The following MYPN variants were observed in gnomAD, a reference collection of about 807,000 sequenced individuals.
The protein encoded by MYPN is sarcomeric protein myopalladin, 145 kDa (MYOP).
A neutral mutation model predicts 129.4 loss-of-function variants in MYPN; 63 were observed. The ratio of observed to expected loss-of-function variants is 0.49; its 90% CI spans 0.40 to 0.60. MYPN has a LOEUF of 0.60. Among genes scored for constraint, MYPN ranks in the 20% least tolerant of loss-of-function variants. MYPN has a pLI of 0.00. For synonymous variants in MYPN, 629 were observed against 600.9 expected (o/e 1.05, Z -0.68); for missense variants, 1,596 against 1,635.4 (o/e 0.98, Z 0.42).
chr10:68,205,756 C>G (rs1483339883), intron 18 of MYPN, among the ~76,000 whole-genome samples: 2 of 152,124 alleles, frequency 1.3e-5, no homozygotes, highest in Non-Finnish European at 2.9e-5. Context: ...TAGCACCTAG[C>G]ATTTTCCCCA....
At chr10:68,155,922 C>T (rs552716130) in intron 6 of MYPN, among the ~76,000 whole-genome samples, 1 of 152,306 alleles carries the variant, frequency 6.6e-6, no homozygotes, top group South Asian at 2.1e-4. Flanking sequence ...CATAACTAGG[C>T]TGGGCTCTTG....
chr10:68,131,037 T>G (rs2042401909), intron 2 of MYPN, among the ~76,000 whole-genome samples: 1 of 152,220 alleles, frequency 6.6e-6, no homozygotes, highest in East Asian at 1.9e-4. Flanking sequence ...TTTAAGGATT[T>G]TTGGCCTTTC....
At chr10:68,123,668 A>G (rs542679602) in intron 2 of MYPN, among the ~76,000 whole-genome samples, 34 of 149,368 alleles carry the variant, frequency 2.3e-4, no homozygotes, top group Non-Finnish European at 4.4e-4. Context: ...CCTGGGCGAC[A>G]GAGCGAGACT....
At chr10:68,192,221 T>G (rs1378381447) in intron 13 of MYPN, among the ~76,000 whole-genome samples, 1 of 152,212 alleles carries the variant, frequency 6.6e-6, no homozygotes, top group African/African-American at 2.4e-5. Context: ...GTGCCGAATT[T>G]AATTGAGTGC....
intron 6 of MYPN, among the ~76,000 whole-genome samples, chr10:68,155,824 C>T (rs147556998): frequency 6.6e-5 from 10 of 152,260 alleles, no homozygotes; most frequent in African/African-American, 2.4e-4. Flanking sequence ...CTTGGCACCT[C>T]CTTTACTGAG....
intron 1 of MYPN, among the ~76,000 whole-genome samples, chr10:68,091,451 T>C (rs1018303065): frequency 6.8e-6 from 1 of 146,026 alleles, no homozygotes; most frequent in Non-Finnish European, 1.5e-5. Flanking sequence ...CTGGAGTGTG[T>C]TGGTGCAATC....
intron 2 of MYPN, among the ~76,000 whole-genome samples, chr10:68,138,176 C>T (rs1354963473): frequency 3.3e-5 from 5 of 149,334 alleles, no homozygotes; most frequent in African/African-American, 1.2e-4. Context: ...GATTTTGGCT[C>T]ATTGCAACCT....
chr10:68,136,142 T>C, intron 2 of MYPN: 1 of 799,832 alleles, frequency 1.3e-6, no homozygotes, highest in Non-Finnish European at 1.5e-6. Flanking sequence ...AGAATGGTGA[T>C]AAAGAGCCAA....
chr10:68,154,312 G>A (rs1166199062), intron 6 of MYPN, among the ~76,000 whole-genome samples: 1 of 152,250 alleles, frequency 6.6e-6, no homozygotes, highest in East Asian at 1.9e-4. Context: ...AGCTGCTCTG[G>A]CAGGCTTTCA....
intron 7 of MYPN, among the ~76,000 whole-genome samples, chr10:68,161,515 C>G (rs1464694116): frequency 1.7e-5 from 2 of 116,904 alleles, no homozygotes; most frequent in Non-Finnish European, 3.8e-5. Context: ...AACTCAGTCT[C>G]AAAAAAAAAA....
intron 2 of MYPN, among the ~76,000 whole-genome samples, chr10:68,122,912 TAAATA>T (rs747727715): frequency 6.6e-6 from 1 of 151,610 alleles, no homozygotes; most frequent in African/African-American, 2.4e-5. Flanking sequence ...CAAAAATAAA[TAAATA>T]AAATAAAATA....
rs759133471 is a variant in MYPN at position 68,122,015 on chromosome 10, C to A, written c.577C>A (p.Gln193Lys). Reference sequence around the variant, plus strand: ...ACTGGAATCTCAAAACAAAGTTATGCAGGAAAACAGCTCCAGTTTCTCAGA... The same window carrying A: ...ACTGGAATCTCAAAACAAAGTTATGAAGGAAAACAGCTCCAGTTTCTCAGA... ...SKLESQNKVM[Q>K]ENSSSFSDLS... is the part of the protein sequence containing the mutation. The change falls in exon 2 of 20, where the codon CAG becomes AAG. Residue 193 changes from glutamine to lysine, a missense_variant. Coordinates refer to ENST00000358913, the MANE Select transcript of MYPN (RefSeq NM_032578.4). 6.2e-7 allele frequency: 1 copy of A among 1,614,172 alleles called. No individual in the cohort carries two copies. The highest frequency in any genetic ancestry group is 1.7e-5 in the Admixed American group (1 of 60,032).
intron 2 of MYPN, among the ~76,000 whole-genome samples, chr10:68,139,976 G>A (rs2042549541): frequency 6.6e-6 from 1 of 152,148 alleles, no homozygotes; most frequent in Non-Finnish European, 1.5e-5. Context: ...CAAATGCTAT[G>A]AAGATAACAA....
At chr10:68,167,665 C>A (rs1282591442) in intron 10 of MYPN, among the ~76,000 whole-genome samples, 1 of 152,180 alleles carries the variant, frequency 6.6e-6, no homozygotes, top group Admixed American at 6.5e-5. Flanking sequence ...GTGTGTTGCT[C>A]ATCACCATGA....
intron 4 of MYPN, among the ~76,000 whole-genome samples, chr10:68,147,167 T>C (rs942883177): frequency 7.2e-5 from 11 of 152,292 alleles, no homozygotes; most frequent in Admixed American, 7.2e-4. Context: ...TTTATTTGTT[T>C]ATTTTGAGAC....
chr10:68,210,556 C>A lies in MYPN; in HGVS notation c.*101C>A. The A allele has an allele frequency of 7.2e-7, 1 of 1,380,570 alleles. No individual in the cohort carries two copies. Among genetic ancestry groups the A allele is most frequent in the Non-Finnish European group, 1.0e-6 (1 of 979,604 alleles). 85.5% of individuals were successfully genotyped at this position (1,380,570 alleles called of 1,614,324 possible). A position where few individuals can be genotyped will look rare whatever the true frequency, so the allele number is the denominator to read the frequency against. ...CAAGCAACCGAAGTTGAGTAAGTTC[C>A]CACACTGCTGGACCTGTGGCAAAGA... On this transcript the variant is annotated 3_prime_UTR_variant, in exon 20 of 20. Transcript: ENST00000358913.
In MYPN at chr10:68,210,885, C is replaced by G. The variant is rs1374577911; in HGVS notation, c.*430C>G. ...AAACAATGCCAAGGAGAAAGGCGGA[C>G]AGGTCACCATCACCTTTCATCGATT... On this transcript the variant is annotated 3_prime_UTR_variant, in exon 20 of 20. Transcript: ENST00000358913. 2 of 455,796 alleles carry G rather than the reference C, an allele frequency of 4.4e-6. No homozygotes were observed. The highest frequency in any genetic ancestry group is 8.8e-6 in the Non-Finnish European group (2 of 227,718). The allele number at this position is 455,796 out of a possible 1,614,324, so 28.2% of individuals were successfully genotyped here.
chr10:68,161,267 G>T (rs1053942348), intron 7 of MYPN, among the ~76,000 whole-genome samples: 2 of 152,086 alleles, frequency 1.3e-5, no homozygotes, highest in East Asian at 1.9e-4. Context: ...AGGCTAAGGC[G>T]GGCAGATTAC....
rs33973275 is a variant in MYPN, at chr10:68,204,725, C to CAAAAA, written c.3660-2029_3660-2025dup. 3.7e-3 allele frequency among the ~76,000 whole-genome samples: 328 copies of CAAAAA among 88,180 alleles called. 1 individual carries two copies. Among genetic ancestry groups the CAAAAA allele is most frequent in the Non-Finnish European group, 4.2e-3 (202 of 47,886 alleles). The allele number at this position is 88,180 out of a possible 152,430, so 57.8% of individuals were successfully genotyped here. On this transcript the variant is annotated intron_variant, in intron 18 of 19. Transcript: ENST00000358913. ...AGAGTGAGACTCTGAGACTCTGTCTCAAAAAAAAAAAAAAAAAAAAGAGAA... is the reference window on the plus strand; with the variant it reads ...AGAGTGAGACTCTGAGACTCTGTCTCAAAAAAAAAAAAAAAAAAAAAAAAAGAGAA...
Sources: gnomAD v4.1 joint callset for allele counts (sites outside exome capture counted in the v4.1 genomes callset) on GRCh38, gnomAD v4.1.1 for gene constraint, MANE v1.5 for transcripts, NCBI Gene and HGNC (gene_info 2026-07-23, HGNC 2026-07-21) for gene names.